PDS5A: variants seen among roughly 807,000 people sequenced by gnomAD.
The protein encoded by PDS5A is sister chromatid cohesion protein PDS5 homolog A.
A neutral mutation model predicts 167.1 loss-of-function variants in PDS5A; 42 were observed. That is an observed-to-expected ratio of 0.25 (90% CI 0.20 to 0.33). The LOEUF is 0.33. PDS5A is among the 10% of genes least tolerant of loss of function. PDS5A has a pLI of 1.00. For missense variants in PDS5A, 1,033 were observed against 1,605.9 expected (o/e 0.64, Z 6.10); for synonymous variants, 553 against 554.6 (o/e 1.00, Z 0.04).
At chr4:39,949,729 G>C (rs1316467473) in intron 2 of PDS5A, among the ~76,000 whole-genome samples, 1 of 145,518 alleles carries the variant, frequency 6.9e-6, no homozygotes, top group Non-Finnish European at 1.5e-5. Context: ...AGGAGGCTGG[G>C]GTGGCACAAT....
chr4:39,897,759 A>G (rs1560464103), intron 16 of PDS5A, among the ~76,000 whole-genome samples: 1 of 152,124 alleles, frequency 6.6e-6, no homozygotes, highest in Admixed American at 6.6e-5. Flanking sequence ...CTAGCTATTC[A>G]GAAGGCTGGG....
chr4:39,845,674 C>T, intron 29 of PDS5A, 144 bp downstream of exon 29: 1 of 918,626 alleles, frequency 1.1e-6, no homozygotes, highest in Non-Finnish European at 1.4e-6. Flanking sequence ...AAAAGCATGG[C>T]TGCTTTAGAT....
intron 23 of PDS5A, among the ~76,000 whole-genome samples, chr4:39,864,173 A>T (rs965684072): frequency 1.3e-5 from 2 of 151,976 alleles, no homozygotes; most frequent in Non-Finnish European, 2.9e-5. Context: ...AAACTTGATT[A>T]AAAAAACCAC....
At chr4:39,890,741 A>G (rs968265346) in intron 16 of PDS5A, among the ~76,000 whole-genome samples, 1 of 151,938 alleles carries the variant, frequency 6.6e-6, no homozygotes, top group Admixed American at 6.6e-5. Context: ...CTCAGGCTCC[A>G]GAGTAGCTGG....
rs573488367 is a variant in PDS5A at position 39,899,459 on chromosome 4, C to T, written c.1582-634G>A. Among the ~76,000 whole-genome samples the T allele has an allele frequency of 5.9e-5, 9 of 152,254 alleles. No homozygotes were observed. In the South Asian group the frequency reaches 1.4e-3, roughly 25 times the overall value. ...TAGTCATGTCCATTCATTTATTTAT[C>T]GTGTATGACTAATTTTGCAAAGGCA... On this transcript the variant is annotated intron_variant, in intron 14 of 32. Coordinates refer to ENST00000303538, the MANE Select transcript of PDS5A (RefSeq NM_001100399.2).
intron 18 of PDS5A, among the ~76,000 whole-genome samples, chr4:39,878,067 C>G (rs1382605715): frequency 6.6e-6 from 1 of 152,050 alleles, no homozygotes; most frequent in Non-Finnish European, 1.5e-5. Flanking sequence ...AAGAGTTAAC[C>G]TTCCATAAAG....
intron 32 of PDS5A, among the ~76,000 whole-genome samples, chr4:39,836,592 G>T (rs1412899963): frequency 1.4e-5 from 2 of 139,654 alleles, no homozygotes; most frequent in Non-Finnish European, 3.1e-5. Context: ...CCATGCCCAC[G>T]ACCACACCCG....
In PDS5A at chr4:39,926,410, C is replaced by T. The variant is rs925911139; in HGVS notation, c.429+365G>A. On this transcript the variant is annotated intron_variant, in intron 4 of 32. Transcript: ENST00000303538. ...GTGTATGCCTGTAATCTCAGCTACT[C>T]GGGAGGCTGAGGCAGAAGAATTGCT... Among the ~76,000 whole-genome samples the T allele has an allele frequency of 6.0e-5, 9 of 150,730 alleles. No homozygotes were observed. In the East Asian group the frequency reaches 9.8e-4, roughly 16 times the overall value.
At chr4:39,842,937 A>ATATATATATATATTTT (rs1433177642) in intron 30 of PDS5A, among the ~76,000 whole-genome samples, 3 of 139,730 alleles carry the variant, frequency 2.1e-5, no homozygotes, top group African/African-American at 8.3e-5. Context: ...ATATATATAT[A>ATATATATATATATTTT]TTTTAAGAGA....
At chr4:39,946,581 TC>T (rs1308241813) in intron 2 of PDS5A, among the ~76,000 whole-genome samples, 1 of 152,048 alleles carries the variant, frequency 6.6e-6, no homozygotes, top group Non-Finnish European at 1.5e-5. Context: ...ATTACTACAT[TC>T]AGAATGAAAA....
intron 17 of PDS5A, among the ~76,000 whole-genome samples, chr4:39,883,028 ATCT>A (rs1338537055): frequency 1.1e-4 from 16 of 152,012 alleles, no homozygotes; most frequent in African/African-American, 3.9e-4. Context: ...TCCATACCTA[ATCT>A]TCTAACCTCC....
At chr4:39,914,158 A>AT (rs1560478626) in intron 8 of PDS5A, among the ~76,000 whole-genome samples, 23 of 133,340 alleles carry the variant, frequency 1.7e-4, no homozygotes, top group Admixed American at 2.3e-4. Flanking sequence ...TGATATACAA[A>AT]TTTGTTTTTT....
intron 2 of PDS5A, among the ~76,000 whole-genome samples, chr4:39,953,978 A>G (rs1728654629): frequency 6.6e-6 from 1 of 152,102 alleles, no homozygotes; most frequent in Non-Finnish European, 1.5e-5. Flanking sequence ...TTTTCATACA[A>G]TCTACCAAGT....
chr4:39,953,273 G>C (rs1366949137), intron 2 of PDS5A, among the ~76,000 whole-genome samples: 1 of 152,144 alleles, frequency 6.6e-6, no homozygotes, highest in Non-Finnish European at 1.5e-5. Context: ...AACAGTTAAA[G>C]AACAGTTTCA....
chr4:39,929,034 T>C (rs2679790), intron 2 of PDS5A, among the ~76,000 whole-genome samples: 36,786 of 152,092 alleles, frequency 0.24, 4,900 homozygotes, highest in East Asian at 0.44. Flanking sequence ...GTGTACTTTA[T>C]GCTGGCCTGT....
chr4:39,902,168 T>C (rs1026020268), intron 13 of PDS5A, among the ~76,000 whole-genome samples, 179 bp downstream of exon 13: 4 of 152,214 alleles, frequency 2.6e-5, no homozygotes, highest in Non-Finnish European at 4.4e-5. Flanking sequence ...CAAACAAGCC[T>C]ACACATATAA....
At chr4:39,850,669 G>A (rs187178224) in intron 26 of PDS5A, among the ~76,000 whole-genome samples, 17 of 152,322 alleles carry the variant, frequency 1.1e-4, no homozygotes, top group African/African-American at 3.4e-4. Context: ...GCTGATGTGT[G>A]TGGTACCCAG....
intron 2 of PDS5A, 28 bp from the exon 3 acceptor site, chr4:39,928,192 A>G (rs1387578284): frequency 2.8e-6 from 4 of 1,433,754 alleles, no homozygotes; most frequent in Middle Eastern, 1.7e-4. Flanking sequence ...AACACAAAAT[A>G]ATTAACTCCT....
At chr4:39,860,542 T>G (rs1232456583) in intron 26 of PDS5A, among the ~76,000 whole-genome samples, 1 of 152,102 alleles carries the variant, frequency 6.6e-6, no homozygotes, top group African/African-American at 2.4e-5. Flanking sequence ...CCATGTTTAC[T>G]GTAGCACTAT....
Sources: gnomAD v4.1 joint callset for allele counts (sites outside exome capture counted in the v4.1 genomes callset) on GRCh38, gnomAD v4.1.1 for gene constraint, MANE v1.5 for transcripts, NCBI Gene and HGNC (gene_info 2026-07-23, HGNC 2026-07-21) for gene names.